PCDH7: variants seen among roughly 807,000 people sequenced by gnomAD.
The protein encoded by PCDH7 is protocadherin-7.
PCDH7 carries 17 observed loss-of-function variants against 58.9 expected under a neutral mutation model. The ratio of observed to expected loss-of-function variants is 0.29; its 90% CI spans 0.20 to 0.43. The LOEUF is 0.43. PCDH7 is among the 20% of genes least tolerant of loss of function. The probability of loss-of-function intolerance (pLI) is 1.00; values close to 1 mark genes in which losing one functional copy is unlikely to be tolerated. For missense variants in PCDH7, 1,274 were observed against 1,441.0 expected (o/e 0.88, Z 1.88); for synonymous variants, 664 against 616.4 (o/e 1.08, Z -1.14).
chr4:30,903,638 T>C (rs1343321569), intron 1 of PCDH7, among the ~76,000 whole-genome samples: 2 of 152,138 alleles, frequency 1.3e-5, no homozygotes, highest in Non-Finnish European at 2.9e-5. Flanking sequence ...TTTCCAAAGA[T>C]GAATCATGAC....
chr4:30,949,305 A>T (rs1298584323), intron 2 of PCDH7, among the ~76,000 whole-genome samples: 1 of 152,182 alleles, frequency 6.6e-6, no homozygotes, highest in Non-Finnish European at 1.5e-5. Flanking sequence ...ACAAAGTTAA[A>T]TATTTCTTTT....
intron 1 of PCDH7, among the ~76,000 whole-genome samples, chr4:30,773,616 C>T (rs953033580): frequency 6.6e-6 from 1 of 152,086 alleles, no homozygotes; most frequent in African/African-American, 2.4e-5. Context: ...TCATCCGCAA[C>T]TTCCACTGAA....
At chr4:31,086,555 G>T (rs963053997) in intron 3 of PCDH7, among the ~76,000 whole-genome samples, 4 of 152,042 alleles carry the variant, frequency 2.6e-5, no homozygotes, top group African/African-American at 7.2e-5. Context: ...GAGGACAGAG[G>T]TATATTATAT....
At chr4:31,126,126 CTT>C (rs555596051) in intron 3 of PCDH7, among the ~76,000 whole-genome samples, 67 of 128,292 alleles carry the variant, frequency 5.2e-4, no homozygotes, top group African/African-American at 9.2e-4. Context: ...CATATCCTTT[CTT>C]TTTTTTTTTT....
In PCDH7 at chr4:30,787,581, A is replaced by G. The variant is rs543181300; in HGVS notation, c.70+62985A>G. Among the ~76,000 whole-genome samples the G allele has an allele frequency of 1.4e-4, 21 of 152,228 alleles. No individual in the cohort carries two copies. The East Asian group carries it at 3.7e-3, about 27-fold the overall frequency. On this transcript the variant is annotated intron_variant, in intron 1 of 3. Coordinates refer to the PCDH7 transcript ENST00000509759. The stretch of plus-strand genomic sequence containing the variant: ...GTAAGTGTTCTAGGAATGTATGGCC[A>G]TTATATCAATAAGAAACTGTCCTTT...
At chr4:30,809,717 T>C (rs1159969597) in intron 1 of PCDH7, among the ~76,000 whole-genome samples, 3 of 152,226 alleles carry the variant, frequency 2.0e-5, no homozygotes, top group Non-Finnish European at 4.4e-5. Context: ...CTAACCTTCA[T>C]CTACTGCTGC....
intron 3 of PCDH7, among the ~76,000 whole-genome samples, chr4:31,032,668 AAGGGAGGGAGGG>A (rs547402140): frequency 2.1e-4 from 15 of 71,212 alleles, no homozygotes; most frequent in East Asian, 3.6e-4. Context: ...GGAAGGAAGG[AAGGGAGGGAGGG>A]AGGGAGGGAG....
Position 30,847,114 on chromosome 4 carries a change from T to G in PCDH7, c.71-73039T>G, listed in dbSNP as rs116510754. The stretch of plus-strand genomic sequence containing the variant: ...CTCCAGCCTAGGCAACAGAGTGAGA[T>G]CTTGTCAATAAATAAATAAATAAGT... On this transcript the variant is annotated intron_variant, in intron 1 of 3. Coordinates refer to the PCDH7 transcript ENST00000509759. Among the ~76,000 whole-genome samples, 600 of 151,972 alleles carry G rather than the reference T, an allele frequency of 3.9e-3. 4 individuals carry two copies. The highest frequency in any genetic ancestry group is 0.014 in the African/African-American group (579 of 41,434).
At chr4:30,859,300 G>C (rs542202635) in intron 1 of PCDH7, among the ~76,000 whole-genome samples, 1 of 152,088 alleles carries the variant, frequency 6.6e-6, no homozygotes, top group African/African-American at 2.4e-5. Flanking sequence ...ATAATTAGGA[G>C]AGCACACTGA....
At chr4:31,072,097 C>T (rs1409407708) in intron 3 of PCDH7, among the ~76,000 whole-genome samples, 1 of 151,748 alleles carries the variant, frequency 6.6e-6, no homozygotes. Flanking sequence ...TAGCACACCT[C>T]TAAGAAAAAA....
chr4:30,756,765 A>G (rs1272750549), intron 1 of PCDH7, among the ~76,000 whole-genome samples: 3 of 152,176 alleles, frequency 2.0e-5, no homozygotes, highest in Non-Finnish European at 4.4e-5. Flanking sequence ...CATCTTAAAC[A>G]TGTACCAACT....
chr4:30,805,687 T>C (rs919677174), intron 1 of PCDH7, among the ~76,000 whole-genome samples: 2 of 152,134 alleles, frequency 1.3e-5, no homozygotes, highest in Admixed American at 6.6e-5. Flanking sequence ...CCAGAGATCA[T>C]TTTTTGTTCT....
intron 3 of PCDH7, among the ~76,000 whole-genome samples, chr4:31,092,579 CA>C (rs939927595): frequency 2.0e-5 from 3 of 152,118 alleles, no homozygotes; most frequent in Admixed American, 1.3e-4. Context: ...TGGAAAATTA[CA>C]CATTTGCCCA....
chr4:30,723,306 G>A lies in PCDH7; in HGVS notation c.1884G>A (p.Gln628=). The stretch of plus-strand genomic sequence containing the variant: ...AGGGCAGCACTACGGTGATTGTGCA[G>A]GTGGCTGATAAAAATGACAATGACC... The change falls in exon 1 of 2, where the codon CAG becomes CAA. Residue 628 remains glutamine (Q), a synonymous_variant. Transcript: ENST00000361762. The surrounding 1 kb of genome is among the most constrained non-coding windows in gnomAD (Gnocchi z 4.6). 5.6e-6 allele frequency: 9 copies of A among 1,614,230 alleles called. No individual in the cohort carries two copies. Among genetic ancestry groups the A allele is most frequent in the Non-Finnish European group, 7.6e-6 (9 of 1,180,034 alleles).
At chr4:30,975,120 A>G (rs1326581510) in intron 3 of PCDH7, among the ~76,000 whole-genome samples, 1 of 149,174 alleles carries the variant, frequency 6.7e-6, no homozygotes, top group Non-Finnish European at 1.5e-5. Context: ...AACCCATCAA[A>G]TCCATCCAGT....
intron 1 of PCDH7, chr4:30,776,264 T>C (rs1347622032): frequency 6.6e-6 from 1 of 152,242 alleles, no homozygotes; most frequent in Non-Finnish European, 1.5e-5. Flanking sequence ...CTAATTTATT[T>C]CCACATGTTC....
At chr4:30,892,654 T>G (rs529781759) in intron 1 of PCDH7, among the ~76,000 whole-genome samples, 1 of 152,156 alleles carries the variant, frequency 6.6e-6, no homozygotes, top group Non-Finnish European at 1.5e-5. Flanking sequence ...TTGATGAATT[T>G]AAATAGTGAA....
rs373565980 is a variant in PCDH7, at chr4:31,132,419, A to C, written c.*8-10054A>C. Among the ~76,000 whole-genome samples, 7 of 152,248 alleles carry C rather than the reference A, an allele frequency of 4.6e-5. No individual in the cohort carries two copies. In the East Asian group the frequency reaches 1.4e-3, roughly 29 times the overall value. On this transcript the variant is annotated intron_variant, in intron 3 of 3. Coordinates refer to the PCDH7 transcript ENST00000509759. ...GACTTTATGTACTATTTTTAAAGTA[A>C]ACATCCATTCCTGAAGGCAATATTA... is the stretch of plus-strand genomic sequence containing the variant.
rs150190307 is a variant in PCDH7 at position 30,870,410 on chromosome 4, G to A, written c.71-49743G>A. Among the ~76,000 whole-genome samples the A allele has an allele frequency of 1.1e-4, 16 of 152,078 alleles. No individual in the cohort carries two copies. In the East Asian group the frequency reaches 2.5e-3, roughly 24 times the overall value. The stretch of plus-strand genomic sequence containing the variant: ...CTAGGTTTTCTTCCAGGGATTTTAT[G>A]CTTTTAGGTCTTATGTAAGTCTTTA... On this transcript the variant is annotated intron_variant, in intron 1 of 3. Coordinates refer to the PCDH7 transcript ENST00000509759.
Sources: allele counts gnomAD v4.1 joint callset (sites outside exome capture counted in the v4.1 genomes callset), GRCh38; gene constraint gnomAD v4.1.1; non-coding constraint Gnocchi (gnomAD v3.1); transcripts MANE v1.5; gene names NCBI Gene and HGNC (gene_info 2026-07-23, HGNC 2026-07-21).